Variants in MYO18B observed in about 807,000 individuals in gnomAD.
The protein encoded by MYO18B is unconventional myosin-XVIIIb.
Under a neutral mutation model 273.0 loss-of-function variants are expected in MYO18B, and 204 were observed. The ratio of observed to expected loss-of-function variants is 0.75; its 90% CI spans 0.67 to 0.84. The LOEUF (loss-of-function observed/expected upper bound fraction) is 0.84. MYO18B is among the 40% of genes least tolerant of loss of function. The pLI is 0.00. For missense variants in MYO18B, 3,212 were observed against 3,287.6 expected (o/e 0.98, Z 0.56); for synonymous variants, 1,330 against 1,305.7 (o/e 1.02, Z -0.40).
At chr22:25,774,246 A>T (rs1431754700) in intron 7 of MYO18B, among the ~76,000 whole-genome samples, 1 of 152,124 alleles carries the variant, frequency 6.6e-6, no homozygotes, top group Non-Finnish European at 1.5e-5. Flanking sequence ...GGGCTCTCCC[A>T]CCACCGCTGT....
intron 41 of MYO18B, among the ~76,000 whole-genome samples, chr22:26,004,249 AG>A (rs11339100): frequency 0.12 from 18,138 of 152,086 alleles, 1,157 homozygotes; most frequent in Middle Eastern, 0.14. Context: ...TTTCAGAATC[AG>A]GGGACATAAA....
At chr22:25,874,478 C>G (rs1282738076) in intron 23 of MYO18B, 64 bp downstream of exon 23, 2 of 1,554,496 alleles carry the variant, frequency 1.3e-6, no homozygotes, top group African/African-American at 2.7e-5. Context: ...TAGGGTCTGC[C>G]TGTCTTTCAG....
Position 25,760,348 on chromosome 22 carries a change from G to A in MYO18B, c.-109-636G>A, listed in dbSNP as rs554158002. Among the ~76,000 whole-genome samples the A allele has an allele frequency of 1.0e-3, 152 of 145,222 alleles. 1 individual carries two copies. The highest frequency in any genetic ancestry group is 3.1e-3 in the Admixed American group (43 of 13,978). On this transcript the variant is annotated intron_variant, in intron 1 of 43. Coordinates refer to ENST00000335473, the MANE Select transcript of MYO18B (RefSeq NM_032608.7). Reference sequence around the variant, plus strand: ...AATTGCTGGAACTGGGGAGGTGGAGGTTGCAGTGAGCTGAGATTACACTAC... The same window carrying A: ...AATTGCTGGAACTGGGGAGGTGGAGATTGCAGTGAGCTGAGATTACACTAC...
intron 7 of MYO18B, among the ~76,000 whole-genome samples, chr22:25,775,551 C>T (rs1399953288): frequency 6.6e-6 from 1 of 152,182 alleles, no homozygotes; most frequent in South Asian, 2.1e-4. Context: ...TAACCTCCTG[C>T]CCTCTTCCCT....
intron 1 of MYO18B, among the ~76,000 whole-genome samples, chr22:25,750,255 G>A (rs1276495335): frequency 6.6e-6 from 1 of 152,162 alleles, no homozygotes; most frequent in African/African-American, 2.4e-5. Context: ...GGCAACCATG[G>A]TCATCCAGGA....
At chr22:25,763,531 A>G in intron 3 of MYO18B, 142 bp downstream of exon 3, 1 of 1,028,856 alleles carries the variant, frequency 9.7e-7, no homozygotes, top group Non-Finnish European at 1.4e-6. Context: ...AACTTGATCT[A>G]TTGAGCTCTT....
At chr22:25,914,051 T>C (rs977784201) in intron 33 of MYO18B, among the ~76,000 whole-genome samples, 2 of 152,228 alleles carry the variant, frequency 1.3e-5, no homozygotes, top group African/African-American at 2.4e-5. Context: ...TTCCTCAATA[T>C]GGATAAACTA....
intron 21 of MYO18B, among the ~76,000 whole-genome samples, chr22:25,858,567 G>T (rs1254650318): frequency 6.6e-6 from 1 of 152,166 alleles, no homozygotes. Context: ...TGCTTTTCGG[G>T]TACACTCTTC....
intron 13 of MYO18B, among the ~76,000 whole-genome samples, chr22:25,825,766 A>G (rs1407010915): frequency 6.6e-6 from 1 of 152,230 alleles, no homozygotes; most frequent in Non-Finnish European, 1.5e-5. Flanking sequence ...TTAATCAACA[A>G]TTGGAAGAAC....
chr22:25,806,141 G>A (rs369291979), intron 12 of MYO18B, among the ~76,000 whole-genome samples: 1 of 152,140 alleles, frequency 6.6e-6, no homozygotes, highest in African/African-American at 2.4e-5. Flanking sequence ...TGACTTCTTG[G>A]CAACTCTCAA....
intron 34 of MYO18B, among the ~76,000 whole-genome samples, chr22:25,944,718 G>T (rs577228918): frequency 6.6e-6 from 1 of 152,156 alleles, no homozygotes; most frequent in South Asian, 2.1e-4. Flanking sequence ...ATGGTGGCAG[G>T]CGCCTGTAGT....
chr22:25,985,232 G>T lies in MYO18B; in HGVS notation c.6157-7131G>T, dbSNP rs531236820. ...AAAAATTAGCCAGGCATAATGGCAG[G>T]TGCCTGTAATCCCAGCTGTTTGGGG... On this transcript the variant is annotated intron_variant, in intron 39 of 43. Coordinates refer to ENST00000335473, the MANE Select transcript of MYO18B (RefSeq NM_032608.7). 1.6e-4 allele frequency among the ~76,000 whole-genome samples: 25 copies of T among 152,198 alleles called. No homozygotes were observed. In the South Asian group the frequency reaches 5.0e-3, roughly 30 times the overall value.
chr22:25,938,716 A>G (rs9613041), intron 34 of MYO18B, among the ~76,000 whole-genome samples: 48,663 of 152,190 alleles, frequency 0.32, 9,217 homozygotes, highest in Non-Finnish European at 0.44. Flanking sequence ...AAGGATCCAT[A>G]CACAGAACAG....
At chr22:25,744,756 TAAAC>T (rs2146516224) in intron 1 of MYO18B, among the ~76,000 whole-genome samples, 1 of 152,076 alleles carries the variant, frequency 6.6e-6, no homozygotes, top group South Asian at 2.1e-4. Flanking sequence ...AAAATAAAAA[TAAAC>T]AAAATGAAAT....
intron 34 of MYO18B, among the ~76,000 whole-genome samples, chr22:25,922,039 C>A (rs772787896): frequency 6.6e-6 from 1 of 152,206 alleles, no homozygotes; most frequent in East Asian, 1.9e-4. Flanking sequence ...GGAGCCCTCA[C>A]TAGGTACTGG....
intron 7 of MYO18B, among the ~76,000 whole-genome samples, chr22:25,773,705 C>T (rs1042864958): frequency 3.3e-5 from 5 of 152,152 alleles, no homozygotes; most frequent in Admixed American, 1.3e-4. Context: ...GCTCGTGATC[C>T]GCCCGCCTCG....
At chr22:25,942,838 G>T (rs1183037515) in intron 34 of MYO18B, among the ~76,000 whole-genome samples, 1 of 152,080 alleles carries the variant, frequency 6.6e-6, no homozygotes, top group East Asian at 1.9e-4. Flanking sequence ...GCCAGCAGCT[G>T]TCTCCATTGA....
intron 39 of MYO18B, among the ~76,000 whole-genome samples, chr22:25,963,178 TCACA>T (rs1555968886): frequency 2.6e-4 from 37 of 144,172 alleles, no homozygotes; most frequent in East Asian, 1.8e-3. Context: ...TCTCTCTCTC[TCACA>T]CACACACACA....
chr22:25,850,351 G>A (rs1252617024), intron 20 of MYO18B, among the ~76,000 whole-genome samples: 4 of 152,048 alleles, frequency 2.6e-5, no homozygotes, highest in African/African-American at 4.8e-5. Context: ...GTCTCTGCTC[G>A]TCTTTGGCTA....
Sources: allele counts gnomAD v4.1 joint callset (sites outside exome capture counted in the v4.1 genomes callset), GRCh38; gene constraint gnomAD v4.1.1; transcripts MANE v1.5; gene names NCBI Gene and HGNC (gene_info 2026-07-23, HGNC 2026-07-21).